Variants in PIK3R3 observed in about 807,000 individuals in gnomAD.
The protein encoded by PIK3R3 is phosphoinositide-3-kinase regulatory subunit 3.
Under a neutral mutation model 62.9 loss-of-function variants are expected in PIK3R3, and 64 were observed. The observed-to-expected ratio is 1.02, with a 90% confidence interval of 0.83 to 1.25. PIK3R3 has a LOEUF of 1.25. Among genes scored for constraint, PIK3R3 ranks in the 50% most tolerant of loss-of-function variants. The pLI is 0.00. For synonymous variants in PIK3R3, 165 were observed against 189.0 expected (o/e 0.87, Z 1.04); for missense variants, 614 against 561.6 (o/e 1.09, Z -0.94).
Position 46,043,891 on chromosome 1 carries a change from A to T in PIK3R3, c.1188-20T>A. The T allele has an allele frequency of 6.3e-7, 1 of 1,596,148 alleles. No homozygotes were observed. Among genetic ancestry groups the T allele is most frequent in the Non-Finnish European group, 8.6e-7 (1 of 1,167,542 alleles). ...TCGGCCCTGCAATGACAAACCACAG[A>T]AGAAATGTTAAGGTAGGTAACAATA... is the stretch of plus-strand genomic sequence containing the variant. On this transcript the variant is annotated intron_variant, in intron 9 of 9. Coordinates refer to ENST00000262741, the MANE Select transcript of PIK3R3 (RefSeq NM_003629.4).
chr1:46,053,740 C>A (rs1377039064), intron 7 of PIK3R3, among the ~76,000 whole-genome samples: 7 of 152,112 alleles, frequency 4.6e-5, no homozygotes, highest in African/African-American at 1.4e-4. Context: ...TTTTTTATAG[C>A]AGCCTAAACA....
chr1:46,139,349 A>G, the PIK3R3 span, among the ~76,000 whole-genome samples: 3 of 150,520 alleles, frequency 2.0e-5, no homozygotes, highest in South Asian at 2.1e-4. Flanking sequence ...CTTGCTGCCC[A>G]GGCTGGAGTA....
chr1:46,045,884 A>G (rs752625531), intron 9 of PIK3R3, 34 bp downstream of exon 9: 1 of 1,570,922 alleles, frequency 6.4e-7, no homozygotes, highest in Non-Finnish European at 8.7e-7. Flanking sequence ...GATGCAAAAG[A>G]TTTCAAAAGG....
chr1:46,059,711 G>A (rs545625970), intron 6 of PIK3R3, among the ~76,000 whole-genome samples: 50 of 152,036 alleles, frequency 3.3e-4, no homozygotes, highest in African/African-American at 1.1e-3. Flanking sequence ...AGTGGATCCC[G>A]TGAGCCCAGG....
chr1:46,058,334 C>A (rs533501189), intron 6 of PIK3R3, among the ~76,000 whole-genome samples: 1 of 152,312 alleles, frequency 6.6e-6, no homozygotes, highest in East Asian at 1.9e-4. Context: ...AATGCGGGGT[C>A]GAAGCCGCCA....
chr1:46,110,603 T>C (rs1273274698), intron 1 of PIK3R3, among the ~76,000 whole-genome samples: 1 of 152,180 alleles, frequency 6.6e-6, no homozygotes, highest in Non-Finnish European at 1.5e-5. Flanking sequence ...TGTTGAACCC[T>C]ATCTTTGTAC....
intron 1 of PIK3R3, among the ~76,000 whole-genome samples, chr1:46,103,658 G>C (rs1268339164): frequency 6.6e-6 from 1 of 151,518 alleles, no homozygotes; most frequent in Non-Finnish European, 1.5e-5. Context: ...GCAATAGCAC[G>C]ATCTCGGCTC....
chr1:46,099,290 T>C (rs1264423850), intron 1 of PIK3R3, among the ~76,000 whole-genome samples: 1 of 152,124 alleles, frequency 6.6e-6, no homozygotes, highest in Non-Finnish European at 1.5e-5. Flanking sequence ...GAATTAGATG[T>C]TTCAATTCAG....
At chr1:46,067,235 T>C (rs748750493) in intron 3 of PIK3R3, 144 bp from the exon 4 acceptor site, 1 of 366,762 alleles carries the variant, frequency 2.7e-6, no homozygotes, top group Middle Eastern at 7.7e-4. Context: ...TGAAAAGGCA[T>C]GTTATTCTGT....
chr1:46,147,716 T>C, the PIK3R3 span, among the ~76,000 whole-genome samples: 2 of 152,058 alleles, frequency 1.3e-5, no homozygotes, highest in Non-Finnish European at 2.9e-5. Context: ...TGAGCCACCA[T>C]GCCCAGCCAG....
intron 1 of PIK3R3, among the ~76,000 whole-genome samples, chr1:46,088,108 A>C (rs1651264863): frequency 6.6e-6 from 1 of 152,178 alleles, no homozygotes; most frequent in Non-Finnish European, 1.5e-5. Context: ...AAAACAGCTG[A>C]GTGTGATGGC....
intron 1 of PIK3R3, among the ~76,000 whole-genome samples, chr1:46,124,751 G>T (rs927317754): frequency 7.4e-6 from 1 of 135,100 alleles, no homozygotes; most frequent in African/African-American, 2.8e-5. Context: ...AGCCGAGCTC[G>T]CACCATTGCA....
Position 46,109,016 on chromosome 1 carries a change from G to A in PIK3R3, c.106+22831C>T, listed in dbSNP as rs147683571. 7.5e-3 allele frequency among the ~76,000 whole-genome samples: 1,144 copies of A among 152,170 alleles called. 19 individuals are homozygous for A. Among genetic ancestry groups the A allele is most frequent in the African/African-American group, 0.026 (1,082 of 41,504 alleles). On this transcript the variant is annotated intron_variant, in intron 1 of 9. Coordinates refer to ENST00000262741, the MANE Select transcript of PIK3R3 (RefSeq NM_003629.4). ...CTACTAAAAATACAAAAAATTAGCC[G>A]GGCATGGTAGTGAGCGCCTATAGTC...
chr1:46,063,771 C>G (rs1648738632), intron 5 of PIK3R3, among the ~76,000 whole-genome samples: 1 of 152,150 alleles, frequency 6.6e-6, no homozygotes, highest in Admixed American at 6.5e-5. Context: ...TTCACTCTAT[C>G]GTATCAGCTA....
At chr1:46,049,729 G>A (rs1298340478) in intron 7 of PIK3R3, among the ~76,000 whole-genome samples, 1 of 152,186 alleles carries the variant, frequency 6.6e-6, no homozygotes, top group African/African-American at 2.4e-5. Flanking sequence ...TGATCCAAGT[G>A]TCAGTCTGTG....
chr1:46,083,994 T>C (rs543101731), intron 1 of PIK3R3, among the ~76,000 whole-genome samples: 46 of 152,268 alleles, frequency 3.0e-4, no homozygotes, highest in African/African-American at 1.0e-3. Context: ...TTATTTATAA[T>C]GGCCCAAAAA....
chr1:46,091,138 C>CTT (rs148774563), intron 1 of PIK3R3, among the ~76,000 whole-genome samples: 29 of 127,634 alleles, frequency 2.3e-4, no homozygotes, highest in African/African-American at 6.0e-4. Flanking sequence ...AGCATTTTAA[C>CTT]TTTTTTTTTT....
At chr1:46,155,636 T>G in the PIK3R3 span, among the ~76,000 whole-genome samples, 1 of 152,024 alleles carries the variant, frequency 6.6e-6, no homozygotes, top group Non-Finnish European at 1.5e-5. Context: ...TTTGTTTGTT[T>G]GTTTTTGTAG....
chr1:46,068,889 T>C (rs1406950847), intron 3 of PIK3R3, among the ~76,000 whole-genome samples: 1 of 152,200 alleles, frequency 6.6e-6, no homozygotes, highest in Non-Finnish European at 1.5e-5. Flanking sequence ...AGTAGAATCA[T>C]ATAATCTATC....
Sources: allele counts gnomAD v4.1 joint callset (sites outside exome capture counted in the v4.1 genomes callset), GRCh38; gene constraint gnomAD v4.1.1; transcripts MANE v1.5; gene names NCBI Gene and HGNC (gene_info 2026-07-23, HGNC 2026-07-21).